Variants in ATP8B2 observed in about 807,000 individuals in gnomAD.
ATP8B2 encodes ATPase phospholipid transporting 8B2, also known as phospholipid-transporting ATPase ID.
A neutral mutation model predicts 133.4 loss-of-function variants in ATP8B2; 70 were observed. That is an observed-to-expected ratio of 0.52 (90% confidence interval 0.43 to 0.64). The LOEUF (loss-of-function observed/expected upper bound fraction) is 0.64, where lower values mean the gene tolerates loss of function less well. Among genes scored for constraint, ATP8B2 ranks in the 30% least tolerant of loss-of-function variants. The pLI is 0.00. For missense variants in ATP8B2, 1,101 were observed against 1,535.7 expected, an observed-to-expected ratio of 0.72 and a Z score of 4.73; for synonymous variants, 517 against 589.5, an observed-to-expected ratio of 0.88 and a Z score of 1.78.
intron 13 of ATP8B2, 87 bp from the exon 14 acceptor site, chr1:154,342,393 C>T (rs554080851): frequency 3.0e-5 from 40 of 1,352,490 alleles, no homozygotes; most frequent in East Asian, 6.9e-5. Flanking sequence ...TCAGTGCCTA[C>T]GGGGATTCTG....
At chr1:154,326,731 A>G (rs1685805248) in intron 1 of ATP8B2, among the ~76,000 whole-genome samples, 1 of 152,116 alleles carries the variant, frequency 6.6e-6, no homozygotes, top group African/African-American at 2.4e-5. Flanking sequence ...TAACTCTTTC[A>G]TGGGACTCAA....
rs1685880899 is a variant in ATP8B2, at chr1:154,328,779, C to A, written c.31+607C>A. 1 of 989,644 alleles carries A rather than the reference C, an allele frequency of 1.0e-6. No individual in the cohort carries two copies. Among genetic ancestry groups the A allele is most frequent in the Non-Finnish European group, 1.2e-6 (1 of 831,028 alleles). 61.3% of individuals were successfully genotyped at this position (989,644 alleles called of 1,614,324 possible). A position where few individuals can be genotyped will look rare whatever the true frequency, so the allele number is the denominator to read the frequency against. ...GGCATCCGCCGGGGGGCATGGGGGG[C>A]GGCGGCGGCGGCGCAGCTGAGCTCG... On this transcript the variant is annotated intron_variant, in intron 2 of 27. Transcript: ENST00000368489. The surrounding 1 kb of genome is among the most constrained non-coding windows in gnomAD (Gnocchi z 4.6).
intron 3 of ATP8B2, 169 bp downstream of exon 3, chr1:154,330,623 A>G: frequency 1.3e-6 from 1 of 781,302 alleles, no homozygotes. Context: ...TCATGCCTTC[A>G]CCTGTCAGTG....
Position 154,328,081 on chromosome 1 carries a change from T to C in ATP8B2, c.-37-24T>C, listed in dbSNP as rs939684129. ...AAGGGTTATCCTCAGCTTCCTGACC[T>C]CATTCGTCTGTCACTTCTTGCAGGG... On this transcript the variant is annotated intron_variant, in intron 1 of 27. Transcript: ENST00000368489. The surrounding 1 kb of genome is among the most constrained non-coding windows in gnomAD (Gnocchi z 4.6). 1 of 1,611,320 alleles carries C rather than the reference T, an allele frequency of 6.2e-7. No homozygotes were observed. Among genetic ancestry groups the C allele is most frequent in the African/African-American group, 1.3e-5 (1 of 74,974 alleles).
rs1285090752 is a variant in ATP8B2 at position 154,334,256 on chromosome 1, A to G, written c.739A>G (p.Ile247Val). 1.2e-6 allele frequency: 2 copies of G among 1,614,046 alleles called. No individual in the cohort carries two copies. Among genetic ancestry groups the G allele is most frequent in the African/African-American group, 1.3e-5 (1 of 75,044 alleles). ...CACCGAGTGGTGCTTCGGGCTGGTC[A>G]TCTTTGCAGGTGAGCCTCCTAGCAT... ...RNTEWCFGLV[I>V]FAGPDTKLMQ... The change falls in exon 10 of 28, where the codon ATC (isoleucine) becomes GTC (valine). Residue 247 changes from isoleucine (I) to valine (V), a missense_variant. Transcript: ENST00000368489. This position sits in a 1 kb window ranked among gnomAD's most constrained non-coding sequence, Gnocchi z 4.6.
In ATP8B2 at chr1:154,341,013, C is replaced by A; in HGVS notation, c.1194C>A (p.Thr398=). Residue 398 remains threonine, a synonymous_variant, in exon 13 of 28, where the codon ACC becomes ACA. Transcript: ENST00000368489. The part of the protein sequence containing the change: ...YIFSDKTGTL[T]QNIMVFNKCS... The stretch of plus-strand genomic sequence containing the variant: ...TCTCCGACAAGACGGGCACCCTCAC[C>A]CAGAACATCATGGTTTTCAACAAGT... The A allele has an allele frequency of 6.2e-7, 1 of 1,614,168 alleles. No individual in the cohort carries two copies. Among genetic ancestry groups the A allele is most frequent in the Non-Finnish European group, 8.5e-7 (1 of 1,180,036 alleles).
chr1:154,331,381 C>T lies in ATP8B2; in HGVS notation c.304-63C>T. 1 of 1,550,850 alleles carries T rather than the reference C, an allele frequency of 6.4e-7. No homozygotes were observed. Reference sequence around the variant, plus strand: ...GTTAACCAGCATGCTCTGAGTTCTACTGATCAACGAATTCCTTCGAGGCGG... The same window carrying T: ...GTTAACCAGCATGCTCTGAGTTCTATTGATCAACGAATTCCTTCGAGGCGG... On this transcript the variant is annotated intron_variant, in intron 5 of 27. Transcript: ENST00000368489. The surrounding 1 kb of genome is among the most constrained non-coding windows in gnomAD (Gnocchi z 4.8).
chr1:154,344,891 C>G lies in ATP8B2; in HGVS notation c.2287-80C>G. On this transcript the variant is annotated intron_variant, in intron 21 of 27. Transcript: ENST00000368489. This position sits in a 1 kb window ranked among gnomAD's most constrained non-coding sequence, Gnocchi z 4.1. The stretch of plus-strand genomic sequence containing the variant: ...TCCCCTGATTTCAGAGAAGACTGGT[C>G]TCAAAGGGGACTGGGAGGAGCTGAG... The G allele has an allele frequency of 6.5e-7, 1 of 1,548,174 alleles. No homozygotes were observed.
chr1:154,343,261 C>T lies in ATP8B2; in HGVS notation c.1602C>T (p.Ile534=), dbSNP rs531165736. ...CCATCACCTACCAGCTGCTGGCCAT[C>T]CTGGACTTCAACAACATCCGCAAGC... The part of the protein sequence containing the change: ...GTAITYQLLA[I]LDFNNIRKRM... The change falls in exon 16 of 28, where the codon ATC becomes ATT. Residue 534 remains isoleucine, a synonymous_variant. Coordinates refer to ENST00000368489, the MANE Select transcript of ATP8B2 (RefSeq NM_001370597.1). The surrounding 1 kb of genome is among the most constrained non-coding windows in gnomAD (Gnocchi z 5.8). 24 of 1,614,120 alleles carry T rather than the reference C, an allele frequency of 1.5e-5. No individual in the cohort carries two copies. In the South Asian group the frequency reaches 2.6e-4, roughly 18 times the overall value.
intron 13 of ATP8B2, among the ~76,000 whole-genome samples, chr1:154,342,218 C>G (rs1463942657): frequency 3.3e-5 from 5 of 151,666 alleles, no homozygotes; most frequent in Middle Eastern, 3.2e-3. Flanking sequence ...GGGGTGCCGC[C>G]TAGGGTAGAG....
At chr1:154,333,737 C>G (rs982884127) in intron 9 of ATP8B2, among the ~76,000 whole-genome samples, 1 of 150,446 alleles carries the variant, frequency 6.6e-6, no homozygotes, top group Admixed American at 6.6e-5. Flanking sequence ...CAGGTTCAAG[C>G]GATCCTCGTG....
chr1:154,336,332 A>G (rs1015167868), intron 11 of ATP8B2, among the ~76,000 whole-genome samples: 2 of 152,036 alleles, frequency 1.3e-5, no homozygotes, highest in Admixed American at 6.6e-5. Flanking sequence ...ACCAGTTCTG[A>G]GCTTTTTCCA....
In ATP8B2 at chr1:154,345,938, A is replaced by G; in HGVS notation, c.2778+55A>G. 6.8e-7 allele frequency: 1 copy of G among 1,473,808 alleles called. No homozygotes were observed. The highest frequency in any genetic ancestry group is 9.5e-7 in the Non-Finnish European group (1 of 1,054,372). The allele number at this position is 1,473,808 out of a possible 1,614,324, so 91.3% of individuals were successfully genotyped here. A position where few individuals can be genotyped will look rare whatever the true frequency, so the allele number is the denominator to read the frequency against. On this transcript the variant is annotated intron_variant, in intron 24 of 27. Transcript: ENST00000368489. The surrounding 1 kb of genome is among the most constrained non-coding windows in gnomAD (Gnocchi z 5.6). ...TGCGGGGAAGGTCACTGCTTGAAGG[A>G]GTCACATAGACGTGGTGTGTGACAC...
chr1:154,343,861 T>C lies in ATP8B2; in HGVS notation c.1759-32T>C. On this transcript the variant is annotated intron_variant, in intron 17 of 27. Coordinates refer to ENST00000368489, the MANE Select transcript of ATP8B2 (RefSeq NM_001370597.1). The surrounding 1 kb of genome is among the most constrained non-coding windows in gnomAD (Gnocchi z 5.8). ...ACGCTGTCCATTAGCTCTCCAGACT[T>C]ACCCAGGTGTGCCTTTCCACTCTGC... 6.3e-7 allele frequency: 1 copy of C among 1,580,058 alleles called. No individual in the cohort carries two copies. Among genetic ancestry groups the C allele is most frequent in the Non-Finnish European group, 8.6e-7 (1 of 1,163,458 alleles).
rs563722962 is a variant in ATP8B2 at position 154,343,220 on chromosome 1, C to T, written c.1561C>T (p.His521Tyr). ...RSRTPKTITV[H>Y]EMGTAITYQL... is the part of the protein sequence containing the mutation. ...TCGCACCCCCAAAACAATCACCGTCCATGAGATGGGCACAGCCATCACCTA... is the reference window on the plus strand; with the variant it reads ...TCGCACCCCCAAAACAATCACCGTCTATGAGATGGGCACAGCCATCACCTA... Residue 521 changes from histidine to tyrosine, a missense_variant, in exon 16 of 28, where the codon CAT becomes TAT. Transcript: ENST00000368489. This position sits in a 1 kb window ranked among gnomAD's most constrained non-coding sequence, Gnocchi z 5.8. 6.2e-7 allele frequency: 1 copy of T among 1,614,140 alleles called. No homozygotes were observed. Among genetic ancestry groups the T allele is most frequent in the East Asian group, 2.2e-5 (1 of 44,878 alleles).
chr1:154,327,650 T>C, intron 1 of ATP8B2: 1 of 753,490 alleles, frequency 1.3e-6, no homozygotes, highest in Non-Finnish European at 2.3e-6. Flanking sequence ...TCGAGAAGGG[T>C]GGAGCCTGCC....
In ATP8B2 at chr1:154,346,837, C is replaced by T; in HGVS notation, c.3163+79C>T. On this transcript the variant is annotated intron_variant, in intron 26 of 27. Transcript: ENST00000368489. This position sits in a 1 kb window ranked among gnomAD's most constrained non-coding sequence, Gnocchi z 4.5. ...TAACAGGACCATCAGCTAATCTGCACATTCAACATTTCTTATGTGCCAAGT... is the reference window on the plus strand; with the variant it reads ...TAACAGGACCATCAGCTAATCTGCATATTCAACATTTCTTATGTGCCAAGT... 6 of 1,458,244 alleles carry T rather than the reference C, an allele frequency of 4.1e-6. No individual in the cohort carries two copies. The highest frequency in any genetic ancestry group is 5.6e-6 in the Non-Finnish European group (6 of 1,066,440). The allele number at this position is 1,458,244 out of a possible 1,614,324, so 90.3% of individuals were successfully genotyped here. A position where few individuals can be genotyped will look rare whatever the true frequency, so the allele number is the denominator to read the frequency against.
rs764621020 is a variant in ATP8B2 at position 154,343,442 on chromosome 1, C to T, written c.1643-11C>T. On this transcript the variant is annotated splice_polypyrimidine_tract_variant and intron_variant, in intron 16 of 27. Coordinates refer to ENST00000368489, the MANE Select transcript of ATP8B2 (RefSeq NM_001370597.1). This position sits in a 1 kb window ranked among gnomAD's most constrained non-coding sequence, Gnocchi z 5.8. The stretch of plus-strand genomic sequence containing the variant: ...TTTTTCTGGCACTTTCTTCACCTGC[C>T]CCATTCATAGTGCGGAATCCAGAGG... The T allele has an allele frequency of 1.2e-6, 2 of 1,613,276 alleles. No homozygotes were observed.
In ATP8B2 at chr1:154,343,791, G is replaced by T. The variant is rs896860823; in HGVS notation, c.1759-102G>T. 1.0e-5 allele frequency: 14 copies of T among 1,371,952 alleles called. No homozygotes were observed. Among genetic ancestry groups the T allele is most frequent in the Non-Finnish European group, 1.4e-5 (14 of 1,006,566 alleles). 85.0% of individuals were successfully genotyped at this position (1,371,952 alleles called of 1,614,324 possible). On this transcript the variant is annotated intron_variant, in intron 17 of 27. Transcript: ENST00000368489. The surrounding 1 kb of genome is among the most constrained non-coding windows in gnomAD (Gnocchi z 5.8). ...GTGACAGTCCCTAACTGTGGAATGT[G>T]GCACACACCCAGTCTACAGTGCAGG...
Sources: gnomAD v4.1 joint callset for allele counts (sites outside exome capture counted in the v4.1 genomes callset) on GRCh38, gnomAD v4.1.1 for gene constraint, Gnocchi (gnomAD v3.1) non-coding constraint, MANE v1.5 for transcripts, NCBI Gene and HGNC (gene_info 2026-07-23, HGNC 2026-07-21) for gene names.